Variants in CALD1 observed in about 807,000 individuals in gnomAD.
CALD1 encodes the protein caldesmon.
Under a neutral mutation model 99.9 loss-of-function variants are expected in CALD1, and 33 were observed. The ratio of observed to expected loss-of-function variants is 0.33; its 90% CI spans 0.25 to 0.44. The LOEUF (loss-of-function observed/expected upper bound fraction) is 0.44, where lower values mean the gene tolerates loss of function less well. Ranked by LOEUF, CALD1 falls within the 20% of genes least tolerant of loss-of-function variation. The pLI is 1.00. For synonymous variants in CALD1, 310 were observed against 325.0 expected (o/e 0.95, Z 0.50); for missense variants, 861 against 962.1 (o/e 0.89, Z 1.39).
At chr7:134,736,231 A>G in the CALD1 span, among the ~76,000 whole-genome samples, 1 of 152,218 alleles carries the variant, frequency 6.6e-6, no homozygotes, top group African/African-American at 2.4e-5. Context: ...CCCTCAAATG[A>G]AGAGAATAAG....
chr7:134,912,422 A>G (rs565115209), intron 3 of CALD1, among the ~76,000 whole-genome samples: 1 of 152,336 alleles, frequency 6.6e-6, no homozygotes, highest in Admixed American at 6.5e-5. Flanking sequence ...CAGAGGTAAC[A>G]CTAATAATGC....
intron 2 of CALD1, among the ~76,000 whole-genome samples, chr7:134,854,734 G>A (rs1344993743): frequency 2.6e-5 from 4 of 152,144 alleles, no homozygotes; most frequent in Non-Finnish European, 5.9e-5. Context: ...ATTCCTGGTG[G>A]GATAAATCTG....
chr7:134,954,585 T>C (rs1190059961), intron 9 of CALD1, among the ~76,000 whole-genome samples: 2 of 152,092 alleles, frequency 1.3e-5, no homozygotes, highest in Non-Finnish European at 2.9e-5. Flanking sequence ...CTATGTTAGC[T>C]ATGATAGAAG....
At chr7:134,945,874 A>G (rs1023512030) in intron 7 of CALD1, among the ~76,000 whole-genome samples, 1 of 152,222 alleles carries the variant, frequency 6.6e-6, no homozygotes, top group Non-Finnish European at 1.5e-5. Flanking sequence ...CTTAATCAAG[A>G]GGCAATGGGT....
chr7:134,748,683 C>G lies in CALD1; in HGVS notation c.-130+4320C>G, dbSNP rs565870972. ...CCAAGATTGTGCCATTGCATTCCAG[C>G]CTGTGCAACAAGAGTGAAACTCCAT... On this transcript the variant is annotated intron_variant, in intron 1 of 13. Coordinates refer to the CALD1 transcript ENST00000417172. Among the ~76,000 whole-genome samples, 4 of 151,874 alleles carry G rather than the reference C, an allele frequency of 2.6e-5. 1 individual carries two copies. Among genetic ancestry groups the G allele is most frequent in the African/African-American group, 9.7e-5 (4 of 41,406 alleles).
At chr7:134,919,687 G>A (rs1261765809) in intron 3 of CALD1, among the ~76,000 whole-genome samples, 5 of 152,132 alleles carry the variant, frequency 3.3e-5, no homozygotes, top group Admixed American at 3.3e-4. Context: ...TGCTTCCTTA[G>A]TAACTTTCTT....
intron 2 of CALD1, among the ~76,000 whole-genome samples, chr7:134,857,207 C>T (rs1800345752): frequency 8.3e-6 from 1 of 120,228 alleles, no homozygotes; most frequent in Non-Finnish European, 1.6e-5. Context: ...CTCGCTCTGT[C>T]ACCCAGGCTG....
intron 1 of CALD1, among the ~76,000 whole-genome samples, chr7:134,813,509 A>T (rs1798439328): frequency 6.6e-6 from 1 of 152,168 alleles, no homozygotes; most frequent in Admixed American, 6.5e-5. Flanking sequence ...AGCATGGACA[A>T]ATCAGGCATC....
intron 5 of CALD1, among the ~76,000 whole-genome samples, chr7:134,934,392 T>C (rs1043768779): frequency 3.3e-5 from 5 of 152,172 alleles, no homozygotes; most frequent in Non-Finnish European, 7.3e-5. Context: ...AATGTGGTGG[T>C]GGTGTGTTGG....
chr7:134,921,918 G>GA (rs1010682798), intron 3 of CALD1, among the ~76,000 whole-genome samples: 29 of 152,142 alleles, frequency 1.9e-4, no homozygotes, highest in African/African-American at 6.5e-4. Context: ...TGCAATAGGG[G>GA]AAAAAATGAA....
chr7:134,944,276 T>C (rs1199153127), intron 7 of CALD1, among the ~76,000 whole-genome samples: 1 of 152,138 alleles, frequency 6.6e-6, no homozygotes, highest in East Asian at 1.9e-4. Flanking sequence ...CCTAAGCCCT[T>C]AGTAAGAAAT....
At chr7:134,891,724 T>C in intron 3 of CALD1, 3 of 950,720 alleles carry the variant, frequency 3.2e-6, no homozygotes, top group Non-Finnish European at 4.5e-6. Context: ...TTTTTTTTTA[T>C]AAAAAACAAA....
At chr7:134,892,637 A>G (rs1313271116) in intron 3 of CALD1, among the ~76,000 whole-genome samples, 1 of 152,230 alleles carries the variant, frequency 6.6e-6, no homozygotes, top group Admixed American at 6.5e-5. Flanking sequence ...TTGGAGAGCT[A>G]GTTTCCGTAA....
At chr7:134,724,559 T>C in the CALD1 span, among the ~76,000 whole-genome samples, 4 of 152,242 alleles carry the variant, frequency 2.6e-5, no homozygotes, top group African/African-American at 7.2e-5. Context: ...ATATGCAATA[T>C]GATTTCACTT....
rs1392804279 is a variant in CALD1, at chr7:134,852,754, T to G, written c.-42+8783T>G. Among the ~76,000 whole-genome samples the G allele has an allele frequency of 2.0e-5, 3 of 152,316 alleles. No homozygotes were observed. In the East Asian group the frequency reaches 5.8e-4, roughly 29 times the overall value. ...AGCCTTTTTGCTATGTAACATCTGT[T>G]TTTAAGATTCGGCTGAGAGCTGAGA... On this transcript the variant is annotated intron_variant, in intron 2 of 14. Transcript: ENST00000361675.
chr7:134,837,023 G>A (rs1452082323), intron 1 of CALD1, among the ~76,000 whole-genome samples: 2 of 151,310 alleles, frequency 1.3e-5, no homozygotes, highest in African/African-American at 4.8e-5. Flanking sequence ...CATAGAACAG[G>A]ATAAGATCTG....
At chr7:134,757,894 A>G (rs746789182) in intron 1 of CALD1, among the ~76,000 whole-genome samples, 22 of 148,742 alleles carry the variant, frequency 1.5e-4, no homozygotes, top group Non-Finnish European at 2.6e-4. Context: ...ATAAAAATAA[A>G]AAAAAAAAGG....
chr7:134,785,447 C>T (rs1454652224), intron 1 of CALD1, among the ~76,000 whole-genome samples: 2 of 152,150 alleles, frequency 1.3e-5, no homozygotes, highest in African/African-American at 2.4e-5. Context: ...TAAATAAAAA[C>T]AAGCACAACT....
At chr7:134,856,788 T>C (rs187604310) in intron 2 of CALD1, among the ~76,000 whole-genome samples, 20 of 152,298 alleles carry the variant, frequency 1.3e-4, no homozygotes, top group Admixed American at 1.2e-3. Context: ...AGTTCCATAG[T>C]AAACCACCAC....
Sources: allele counts gnomAD v4.1 joint callset (sites outside exome capture counted in the v4.1 genomes callset), GRCh38; gene constraint gnomAD v4.1.1; transcripts MANE v1.5; gene names NCBI Gene and HGNC (gene_info 2026-07-23, HGNC 2026-07-21).